TRRAP: variants seen among roughly 807,000 people sequenced by gnomAD.
TRRAP encodes transformation/transcription domain-associated protein.
In TRRAP, 41 loss-of-function variants were observed where a neutral mutation model predicts 438.8. The ratio of observed to expected loss-of-function variants is 0.09; its 90% confidence interval spans 0.07 to 0.12. The LOEUF is 0.12. Among genes scored for constraint, TRRAP ranks in the 10% least tolerant of loss-of-function variants. The probability of loss-of-function intolerance (pLI) is 1.00; values close to 1 mark genes in which losing one functional copy is unlikely to be tolerated. For missense variants in TRRAP, 3,122 were observed against 5,055.1 expected (o/e 0.62, Z 11.60); for synonymous variants, 1,994 against 1,962.9 (o/e 1.02, Z -0.42).
In TRRAP at chr7:98,932,778, C is replaced by T. The variant is rs549105568; in HGVS notation, c.3853-463C>T. 5.3e-5 allele frequency among the ~76,000 whole-genome samples: 8 copies of T among 152,164 alleles called. No individual in the cohort carries two copies. In the South Asian group the frequency reaches 1.2e-3, roughly 24 times the overall value. On this transcript the variant is annotated intron_variant, in intron 26 of 72. Transcript: ENST00000456197. Reference sequence around the variant, plus strand: ...ACTTTAATAGTTTGTTTTTTCTTGTCACGTTATTTTTTATTTTTTCCTCAA... The same window carrying T: ...ACTTTAATAGTTTGTTTTTTCTTGTTACGTTATTTTTTATTTTTTCCTCAA...
intron 64 of TRRAP, among the ~76,000 whole-genome samples, chr7:98,991,767 T>A (rs2116802019): frequency 6.6e-6 from 1 of 152,334 alleles, no homozygotes; most frequent in South Asian, 2.1e-4. Context: ...GAATTGTGCC[T>A]GACAGATTAG....
At chr7:98,985,148 AT>A (rs1183912490) in intron 62 of TRRAP, 104 bp downstream of exon 62, 1 of 809,228 alleles carries the variant, frequency 1.2e-6, no homozygotes, top group Non-Finnish European at 2.0e-6. Flanking sequence ...AATGGGTATG[AT>A]TTGGTGACAG....
intron 64 of TRRAP, among the ~76,000 whole-genome samples, chr7:98,991,791 GTTTT>G (rs938584873): frequency 2.0e-5 from 3 of 152,042 alleles, no homozygotes; most frequent in Non-Finnish European, 4.4e-5. Context: ...GTATTTGTTT[GTTTT>G]TTTATTTGCT....
intron 67 of TRRAP, chr7:98,999,216 CTT>C: frequency 7.6e-7 from 1 of 1,323,928 alleles, no homozygotes; most frequent in South Asian, 1.2e-5. Flanking sequence ...AGTACACAGG[CTT>C]CACTCCAAGA....
Position 98,911,265 on chromosome 7 carries a change from T to C in TRRAP, c.2001T>C (p.Ala667=). ...TGGAGAGAATCTCAAAAAATTATGC[T>C]CTTCAGGTATAAAACTCCTTTTTTT... The part of the protein sequence containing the change: ...YMVERISKNY[A]LQIVANSFLA... The change falls in exon 17 of 73, where the codon GCT becomes GCC. Residue 667 remains alanine (A), a synonymous_variant. Transcript: ENST00000456197. The C allele has an allele frequency of 6.2e-7, 1 of 1,608,836 alleles. No homozygotes were observed. Among genetic ancestry groups the C allele is most frequent in the Non-Finnish European group, 8.5e-7 (1 of 1,177,390 alleles).
chr7:98,948,371 T>A lies in TRRAP; in HGVS notation c.4668+31T>A, dbSNP rs782757705. Reference sequence around the variant, plus strand: ...GGCCATACTGAAGGCTGCTTCTCGCTCTGCCACCCTCCGGTGCTTATAGCG... The same window carrying A: ...GGCCATACTGAAGGCTGCTTCTCGCACTGCCACCCTCCGGTGCTTATAGCG... On this transcript the variant is annotated intron_variant, in intron 34 of 72. Transcript: ENST00000456197. This position sits in a 1 kb window ranked among gnomAD's most constrained non-coding sequence, Gnocchi z 4.9. The A allele has an allele frequency of 6.2e-7, 1 of 1,613,884 alleles. No individual in the cohort carries two copies. Among genetic ancestry groups the A allele is most frequent in the Admixed American group, 1.7e-5 (1 of 60,022 alleles).
intron 1 of TRRAP, among the ~76,000 whole-genome samples, chr7:98,880,581 G>T (rs1375973030): frequency 6.6e-6 from 1 of 152,028 alleles, no homozygotes; most frequent in Non-Finnish European, 1.5e-5. Flanking sequence ...ATTTTATACC[G>T]CCCATGAGCT....
At chr7:98,893,057 T>C (rs369525379) in intron 5 of TRRAP, among the ~76,000 whole-genome samples, 10 of 152,240 alleles carry the variant, frequency 6.6e-5, no homozygotes, top group Admixed American at 2.0e-4. Context: ...GTTCAAGTGA[T>C]TGTCATGCCT....
At position 98,978,208 on chromosome 7, in the gene TRRAP, T is replaced by A; in HGVS notation, c.8386-3T>A. ...GTGATTTAAAAACATTAACTTTTTT[T>A]AGGCACAAGAATCCTATGAAAAGGC... On this transcript the variant is annotated splice_region_variant and splice_polypyrimidine_tract_variant and intron_variant, in intron 56 of 72. Transcript: ENST00000456197. The A allele has an allele frequency of 6.2e-7, 1 of 1,609,346 alleles. No individual in the cohort carries two copies. Among genetic ancestry groups the A allele is most frequent in the Non-Finnish European group, 8.5e-7 (1 of 1,178,216 alleles).
rs769190385 is a variant in TRRAP, at chr7:98,970,155, G to A, written c.7556G>A (p.Ser2519Asn). Residue 2519 changes from serine (S) to asparagine (N), a missense_variant, in exon 52 of 73, where the codon AGC (serine) becomes AAC (asparagine). By Grantham distance (46) the Ser-to-Asn change is conservative. Around this residue, in one of 24 missense-constraint regions of TRRAP, gnomAD observed 992 missense variants for 1,281.2 expected, o/e 0.77. Coordinates refer to ENST00000456197, the MANE Select transcript of TRRAP (RefSeq NM_001375524.1). ...GAGAAGAGCACCCCCATTGGCACCA[G>A]CTGCCAAGGAGCCATGCTCCCGTCC... ...VCEKSTPIGTSCQGAMLPSIT... is the reference protein window; with the variant it reads ...VCEKSTPIGTNCQGAMLPSIT... 2 of 1,613,920 alleles carry A rather than the reference G, an allele frequency of 1.2e-6. No homozygotes were observed. The highest frequency in any genetic ancestry group is 1.7e-6 in the Non-Finnish European group (2 of 1,180,000).
chr7:98,912,687 A>G, intron 18 of TRRAP, among the ~76,000 whole-genome samples: 1 of 152,118 alleles, frequency 6.6e-6, no homozygotes, highest in East Asian at 1.9e-4. Flanking sequence ...ATTTTTAAAA[A>G]TTTCAGTGAT....
chr7:99,006,269 G>T (rs1164462359), intron 69 of TRRAP, among the ~76,000 whole-genome samples: 1 of 152,166 alleles, frequency 6.6e-6, no homozygotes, highest in East Asian at 1.9e-4. Flanking sequence ...ATGTTATCTA[G>T]TCCTTTATGG....
In TRRAP at chr7:98,893,888, T is replaced by G. The variant is rs781947955; in HGVS notation, c.450+7T>G. On this transcript the variant is annotated splice_region_variant and intron_variant, in intron 6 of 72. Transcript: ENST00000456197. ...GCCACCGATCACACAAGAAGTAAGT[T>G]GTTTAAAATCCTTATAGCATTTATA... 6.2e-7 allele frequency: 1 copy of G among 1,612,370 alleles called. No individual in the cohort carries two copies. The highest frequency in any genetic ancestry group is 8.5e-7 in the Non-Finnish European group (1 of 1,179,470).
rs549703943 is a variant in TRRAP, at chr7:98,917,849, C to T, written c.2622+170C>T. 9.9e-5 allele frequency among the ~76,000 whole-genome samples: 15 copies of T among 152,160 alleles called. No individual in the cohort carries two copies. The South Asian group carries it at 3.1e-3, about 32-fold the overall frequency. On this transcript the variant is annotated intron_variant, in intron 20 of 72. Transcript: ENST00000456197. Reference sequence around the variant, plus strand: ...TGAAATATGTAAAGAAGGCCGGGCACGGTGTCTCCTGACTGTGATCCCAGC... The same window carrying T: ...TGAAATATGTAAAGAAGGCCGGGCATGGTGTCTCCTGACTGTGATCCCAGC...
intron 10 of TRRAP, 55 bp downstream of exon 10, chr7:98,899,822 A>G (rs1796393975): frequency 2.5e-6 from 4 of 1,574,320 alleles, no homozygotes; most frequent in Admixed American, 1.7e-5. Flanking sequence ...GTAAAAATAC[A>G]CTTGCTGTTG....
rs150202691 is a variant in TRRAP, at chr7:98,992,160, G to A, written c.9780G>A (p.Ala3260=). The A allele has an allele frequency of 1.2e-4, 192 of 1,614,172 alleles. No homozygotes were observed. The African/African-American group carries it at 1.8e-3, about 15-fold the overall frequency. The change falls in exon 65 of 73, where the codon GCG becomes GCA. Residue 3260 remains alanine, a synonymous_variant. Coordinates refer to ENST00000456197, the MANE Select transcript of TRRAP (RefSeq NM_001375524.1). The part of the protein sequence containing the change: ...ISQVGRVYPQ[A]VYFPIRTLYL... ...AGGTTGGACGCGTGTATCCCCAAGC[G>A]GTCTACTTTCCCATCCGGACCCTGT...
intron 28 of TRRAP, among the ~76,000 whole-genome samples, chr7:98,936,366 G>T (rs1790557663): frequency 6.6e-6 from 1 of 152,180 alleles, no homozygotes; most frequent in Admixed American, 6.5e-5. Flanking sequence ...CCAACAGGGG[G>T]ACCAGGGGTG....
chr7:99,006,953 C>T (rs1010567268), intron 69 of TRRAP, among the ~76,000 whole-genome samples: 6 of 152,198 alleles, frequency 3.9e-5, no homozygotes, highest in South Asian at 2.1e-4. Context: ...CTGGAGTGGT[C>T]GCCCAGCGCT....
At position 98,956,324 on chromosome 7, in the gene TRRAP, G is replaced by A. The variant is rs374169844; in HGVS notation, c.6096+20G>A. On this transcript the variant is annotated intron_variant, in intron 42 of 72. Transcript: ENST00000456197. This position sits in a 1 kb window ranked among gnomAD's most constrained non-coding sequence, Gnocchi z 4.5. ...CAGCAGGTAGGGGTGTCAGCCTCAG[G>A]GGTGCCCCGATCGTCTTCCTTTGAC... The A allele has an allele frequency of 6.2e-7, 1 of 1,613,876 alleles. No individual in the cohort carries two copies. Among genetic ancestry groups the A allele is most frequent in the Non-Finnish European group, 8.5e-7 (1 of 1,179,804 alleles).
Sources: allele counts gnomAD v4.1 joint callset (sites outside exome capture counted in the v4.1 genomes callset), GRCh38; gene constraint gnomAD v4.1.1; regional missense constraint gnomAD v4.1.1; non-coding constraint Gnocchi (gnomAD v3.1); transcripts MANE v1.5; gene names NCBI Gene and HGNC (gene_info 2026-07-23, HGNC 2026-07-21).